Variants in AGO2 observed in about 807,000 individuals in gnomAD.
AGO2 encodes the protein argonaute RISC catalytic component 2, also known as protein argonaute-2.
In AGO2, 5 loss-of-function variants were observed where a neutral mutation model predicts 102.3. The ratio of observed to expected loss-of-function variants is 0.05; its 90% confidence interval spans 0.03 to 0.10. AGO2 has a LOEUF of 0.10. Ranked by LOEUF, AGO2 falls within the 10% of genes least tolerant of loss-of-function variation. AGO2 has a pLI of 1.00. For missense variants in AGO2, 541 were observed against 1,183.7 expected (o/e 0.46, Z 7.97); for synonymous variants, 449 against 473.1 (o/e 0.95, Z 0.66).
intron 3 of AGO2, among the ~76,000 whole-genome samples, chr8:140,564,907 G>T (rs550627735): frequency 1.3e-5 from 2 of 152,246 alleles, no homozygotes; most frequent in South Asian, 4.2e-4. Context: ...AGGCCAAGGC[G>T]GGTGGATCAC....
At chr8:140,545,952 T>A (rs190649489) in intron 13 of AGO2, among the ~76,000 whole-genome samples, 122 of 152,288 alleles carry the variant, frequency 8.0e-4, no homozygotes, top group Admixed American at 4.8e-3. Context: ...CTGTCTCTTG[T>A]CTGCTCTCAT....
rs2073087305 is a variant in AGO2, at chr8:140,555,908, G to A, written c.1257C>T (p.Leu419=). The A allele has an allele frequency of 1.2e-6, 2 of 1,613,926 alleles. No individual in the cohort carries two copies. Among genetic ancestry groups the A allele is most frequent in the Middle Eastern group, 1.6e-4 (1 of 6,062 alleles). The change falls in exon 10 of 19, where the codon CTC becomes CTT. Residue 419 remains leucine, a synonymous_variant. Coordinates refer to ENST00000220592, the MANE Select transcript of AGO2 (RefSeq NM_012154.5). ...TGRVLQPPSI[L]YGGRNKAIAT... is the part of the protein sequence containing the mutation. ...GCCCCACACGTACCCTGCCCCCGTA[G>A]AGGATGGAGGGCGGCTGCAGCACCC...
chr8:140,545,214 C>A (rs1222570929), intron 13 of AGO2, among the ~76,000 whole-genome samples: 1 of 152,200 alleles, frequency 6.6e-6, no homozygotes, highest in Non-Finnish European at 1.5e-5. Context: ...CCGAACCCAT[C>A]ACTGCTTGCG....
intron 3 of AGO2, chr8:140,572,457 T>G (rs2073393590): frequency 5.9e-6 from 1 of 168,640 alleles, no homozygotes; most frequent in African/African-American, 2.4e-5. Context: ...TCAAGCCATC[T>G]TCCTGCCTTG....
At chr8:140,573,835 G>T (rs991173466) in intron 2 of AGO2, among the ~76,000 whole-genome samples, 4 of 152,208 alleles carry the variant, frequency 2.6e-5, no homozygotes, top group African/African-American at 9.6e-5. Flanking sequence ...TGGCCACTAG[G>T]ATTTGCTCTG....
At chr8:140,641,477 T>C in the AGO2 span, among the ~76,000 whole-genome samples, 23 of 152,352 alleles carry the variant, frequency 1.5e-4, 1 homozygote, top group South Asian at 4.3e-3. Flanking sequence ...CCTAGTATCA[T>C]GTTTCTTTGA....
intron 1 of AGO2, among the ~76,000 whole-genome samples, chr8:140,586,530 G>T (rs1221406263): frequency 3.3e-5 from 5 of 152,166 alleles, no homozygotes; most frequent in African/African-American, 1.2e-4. Context: ...TCCTCAAGCA[G>T]CACCCATGCT....
rs529910400 is a variant in AGO2, at chr8:140,598,302, C to T, written c.23-12991G>A. 1.1e-4 allele frequency among the ~76,000 whole-genome samples: 17 copies of T among 152,352 alleles called. No individual in the cohort carries two copies. In the South Asian group the frequency reaches 2.7e-3, roughly 24 times the overall value. On this transcript the variant is annotated intron_variant, in intron 1 of 18. Transcript: ENST00000220592. ...CCACAGCACCAAAAAGAATTCTCTT[C>T]GGCAAAGGCAGCAGGACTCAACAGG...
chr8:140,549,891 G>A (rs1035913508), intron 11 of AGO2, among the ~76,000 whole-genome samples: 14 of 152,196 alleles, frequency 9.2e-5, no homozygotes, highest in South Asian at 2.1e-4. Flanking sequence ...GCAGGGCAGC[G>A]GCTTCTATTT....
chr8:140,588,501 T>C (rs764193592), intron 1 of AGO2, among the ~76,000 whole-genome samples: 3 of 145,870 alleles, frequency 2.1e-5, no homozygotes, highest in Non-Finnish European at 4.4e-5. Context: ...AGTGAGCACA[T>C]GTTACTGGAA....
chr8:140,585,241 A>T lies in AGO2; in HGVS notation c.93T>A (p.Phe31Leu). Reference protein sequence around the residue: ...YAFKPPPRPDFGTSGRTIKLQ... With the variant: ...YAFKPPPRPDLGTSGRTIKLQ... ...ATTTGATTGTTCTCCCGGAGGTCCC[A>T]AAGTCGGGTCTAGGTGGAGGCTTGA... The change falls in exon 2 of 19, where the codon TTT becomes TTA. Residue 31 changes from phenylalanine (F) to leucine (L), a missense_variant. Around this residue, in one of 6 missense-constraint regions of AGO2, gnomAD observed 147 missense variants for 204.1 expected, o/e 0.72. Transcript: ENST00000220592. The T allele has an allele frequency of 6.2e-7, 1 of 1,614,170 alleles. No homozygotes were observed. Among genetic ancestry groups the T allele is most frequent in the Middle Eastern group, 1.6e-4 (1 of 6,062 alleles).
chr8:140,579,469 G>A (rs1412500589), intron 2 of AGO2, among the ~76,000 whole-genome samples: 1 of 152,004 alleles, frequency 6.6e-6, no homozygotes, highest in Admixed American at 6.5e-5. Flanking sequence ...TCGCCACTAG[G>A]TCTAGAACTA....
rs2072749137 is a variant in AGO2, at chr8:140,539,173, G to A, written c.2169+147C>T. ...CAGCCTTCTCTAGTGTCTAAACCTG[G>A]GTCCCCATGAAGCCCCTTAGAGGAC... On this transcript the variant is annotated intron_variant, in intron 16 of 18. Coordinates refer to ENST00000220592, the MANE Select transcript of AGO2 (RefSeq NM_012154.5). The surrounding 1 kb of genome is among the most constrained non-coding windows in gnomAD (Gnocchi z 4.7). The A allele has an allele frequency of 8.7e-7, 1 of 1,144,690 alleles. No individual in the cohort carries two copies. Among genetic ancestry groups the A allele is most frequent in the Non-Finnish European group, 1.2e-6 (1 of 826,792 alleles). The allele number at this position is 1,144,690 out of a possible 1,614,324, so 70.9% of individuals were successfully genotyped here. A position where few individuals can be genotyped will look rare whatever the true frequency, so the allele number is the denominator to read the frequency against.
chr8:140,534,817 C>T (rs1433123761), intron 17 of AGO2, among the ~76,000 whole-genome samples: 4 of 152,224 alleles, frequency 2.6e-5, no homozygotes, highest in Non-Finnish European at 5.9e-5. Context: ...TTCCTCCTGT[C>T]CCCCGGGCGA....
At chr8:140,544,989 G>A (rs991771836) in intron 13 of AGO2, among the ~76,000 whole-genome samples, 1 of 152,126 alleles carries the variant, frequency 6.6e-6, no homozygotes, top group Non-Finnish European at 1.5e-5. Context: ...GTGCACCGCC[G>A]CACACCCCAC....
chr8:140,570,305 A>T (rs913077360), intron 3 of AGO2, among the ~76,000 whole-genome samples: 2 of 152,146 alleles, frequency 1.3e-5, no homozygotes, highest in Non-Finnish European at 2.9e-5. Context: ...GGCTCACTGC[A>T]ACCTCCATCT....
intron 1 of AGO2, among the ~76,000 whole-genome samples, chr8:140,630,300 G>C (rs1193024863): frequency 6.6e-6 from 1 of 152,200 alleles, no homozygotes; most frequent in Non-Finnish European, 1.5e-5. Flanking sequence ...TTTCGTACCA[G>C]GGAAAGCTTA....
At position 140,558,980 on chromosome 8, in the gene AGO2, AG is replaced by A. The variant is rs1295641672; in HGVS notation, c.791-409del. ...GGCAGAAGGACCCCGGGTAAGTCCT[AG>A]ACCCCCCCCAATCTGAGTTTCTTGG... On this transcript the variant is annotated intron_variant, in intron 6 of 18. Coordinates refer to ENST00000220592, the MANE Select transcript of AGO2 (RefSeq NM_012154.5). 8.3e-4 allele frequency among the ~76,000 whole-genome samples: 127 copies of A among 152,260 alleles called. 2 individuals are homozygous for A. Among genetic ancestry groups the A allele is most frequent in the African/African-American group, 2.9e-3 (120 of 41,550 alleles).
chr8:140,582,357 C>G (rs2073570509), intron 2 of AGO2, among the ~76,000 whole-genome samples: 1 of 152,180 alleles, frequency 6.6e-6, no homozygotes, highest in Non-Finnish European at 1.5e-5. Flanking sequence ...ACTTTATGAG[C>G]ACCAACATGA....
Sources: gnomAD v4.1 joint callset for allele counts (sites outside exome capture counted in the v4.1 genomes callset) on GRCh38, gnomAD v4.1.1 for gene constraint, gnomAD v4.1.1 regional missense constraint, Gnocchi (gnomAD v3.1) non-coding constraint, MANE v1.5 for transcripts, NCBI Gene and HGNC (gene_info 2026-07-23, HGNC 2026-07-21) for gene names.